The following PIEZO1 variants were observed in gnomAD, a reference collection of about 807,000 sequenced individuals.
The protein encoded by PIEZO1 is piezo type mechanosensitive ion channel component 1 (Er blood group).
PIEZO1 carries 296 observed loss-of-function variants against 297.2 expected under a neutral mutation model. The observed-to-expected ratio is 1.00, with a 90% CI of 0.91 to 1.10. The LOEUF (loss-of-function observed/expected upper bound fraction) is 1.10, where lower values mean the gene tolerates loss of function less well. PIEZO1 is among the 50% of genes least tolerant of loss of function. The probability of loss-of-function intolerance (pLI) is 0.00; values close to 1 mark genes in which losing one functional copy is unlikely to be tolerated. For missense variants in PIEZO1, 5,018 were observed against 3,455.5 expected, an observed-to-expected ratio of 1.45 and a Z score of -11.34; for synonymous variants, 2,427 against 1,507.5, an observed-to-expected ratio of 1.61 and a Z score of -14.13.
In PIEZO1 at chr16:88,726,709, G is replaced by A. The variant is rs147726156; in HGVS notation, c.3699+6C>T. The stretch of plus-strand genomic sequence containing the variant: ...GGCGGTGGGTGCGGGGGGGCCGGAG[G>A]CTCACCGACAGCATGTTCTTGGAGA... On this transcript the variant is annotated splice_donor_region_variant and intron_variant, in intron 25 of 50. Transcript: ENST00000301015. 1.0e-3 allele frequency: 1,624 copies of A among 1,549,330 alleles called. 1 individual carries two copies. Among genetic ancestry groups the A allele is most frequent in the Non-Finnish European group, 1.3e-3 (1,455 of 1,146,252 alleles).
chr16:88,750,426 G>A (rs186504945), intron 1 of PIEZO1, among the ~76,000 whole-genome samples: 146 of 152,368 alleles, frequency 9.6e-4, no homozygotes, highest in African/African-American at 2.3e-3. Context: ...GGGACACAGC[G>A]CGCCTTCAGC....
At chr16:88,774,097 G>T (rs1159476404) in intron 1 of PIEZO1, among the ~76,000 whole-genome samples, 10 of 152,334 alleles carry the variant, frequency 6.6e-5, no homozygotes, top group African/African-American at 2.2e-4. Context: ...GCAGGAACCG[G>T]TCACCAGGCA....
intron 35 of PIEZO1, 90 bp downstream of exon 35, chr16:88,722,493 G>C (rs1904287067): frequency 1.4e-6 from 2 of 1,434,284 alleles, no homozygotes; most frequent in Non-Finnish European, 1.9e-6. Context: ...GGTCCTTTGG[G>C]GTACAAGGGA....
rs1286090508 is a variant in PIEZO1 at position 88,723,317 on chromosome 16, C to G, written c.4347G>C (p.Gln1449His). The G allele has an allele frequency of 1.3e-6, 2 of 1,538,652 alleles. No individual in the cohort carries two copies. The highest frequency in any genetic ancestry group is 1.7e-6 in the Non-Finnish European group (2 of 1,146,726). Residue 1449 changes from glutamine (Q) to histidine (H), a missense_variant, in exon 32 of 51, where the codon CAG becomes CAC. Physicochemically the swap from Gln to His is conservative, Grantham distance 24 (BLOSUM62 0). Transcript: ENST00000301015. ...SAQSAFQLAY[Q>H]AWVTNAQAVL... ...CCGCCTGGGCGTTGGTCACCCATGC[C>G]TGGTACGCCAGCTGTCGGCCAGCCC... is the stretch of plus-strand genomic sequence containing the variant.
At position 88,784,837 on chromosome 16, in the gene PIEZO1, C is replaced by A. The variant is rs1908104511; in HGVS notation, c.64+64G>T. On this transcript the variant is annotated intron_variant, in intron 1 of 50. Transcript: ENST00000301015. ...GCCCCGGCCGGCGTCGTCCGGTGTCCAGGCCGTGGGGAGCCGAGACGCAGC... is the reference window on the plus strand; with the variant it reads ...GCCCCGGCCGGCGTCGTCCGGTGTCAAGGCCGTGGGGAGCCGAGACGCAGC... The A allele has an allele frequency of 1.6e-5, 19 of 1,214,758 alleles. No homozygotes were observed. In the South Asian group the frequency reaches 2.3e-4, roughly 15 times the overall value. The allele number at this position is 1,214,758 out of a possible 1,614,324, so 75.2% of individuals were successfully genotyped here.
rs1321010287 is a variant in PIEZO1, at chr16:88,733,639, A to C, written c.2436T>G (p.Leu812=). 3.9e-6 allele frequency: 6 copies of C among 1,549,678 alleles called. No individual in the cohort carries two copies. The highest frequency in any genetic ancestry group is 3.5e-6 in the Non-Finnish European group (4 of 1,146,538). Residue 812 remains leucine (L), a synonymous_variant, in exon 18 of 51, where the codon CTT becomes CTG. Coordinates refer to ENST00000301015, the MANE Select transcript of PIEZO1 (RefSeq NM_001142864.4). ...ACAGGGCCACCAGCTTGAAAACGTG[A>C]AGCTCCAGCAGCCGCCGCAGGAACA... ...VQVFLRRLLE[L]HVFKLVALYT... is the part of the protein sequence containing the mutation.
chr16:88,733,146 G>A (rs919653411), intron 19 of PIEZO1, 132 bp downstream of exon 19: 14 of 848,520 alleles, frequency 1.6e-5, no homozygotes, highest in Non-Finnish European at 2.3e-5. Context: ...AGCCCCCTTG[G>A]CGCCCCCAGG....
Position 88,727,551 on chromosome 16 carries a change from A to G in PIEZO1, c.3301+6T>C, listed in dbSNP as rs1232352086. The G allele has an allele frequency of 4.0e-6, 5 of 1,246,074 alleles. No homozygotes were observed. Among genetic ancestry groups the G allele is most frequent in the African/African-American group, 3.0e-5 (2 of 66,426 alleles). The allele number at this position is 1,246,074 out of a possible 1,614,324, so 77.2% of individuals were successfully genotyped here. On this transcript the variant is annotated splice_donor_region_variant and intron_variant, in intron 23 of 50. Transcript: ENST00000301015. ...TGCAGAGGCGGGGGTGGTGGGGGGC[A>G]CTCACTGATGAGGTTGGTGGAGTTG... is the stretch of plus-strand genomic sequence containing the variant.
chr16:88,747,738 C>T (rs1473114586), intron 2 of PIEZO1, among the ~76,000 whole-genome samples: 1 of 152,232 alleles, frequency 6.6e-6, no homozygotes, highest in Non-Finnish European at 1.5e-5. Flanking sequence ...GAAATGGGGG[C>T]TGCCCAACAG....
intron 2 of PIEZO1, among the ~76,000 whole-genome samples, chr16:88,746,526 G>A (rs1906066640): frequency 2.0e-5 from 3 of 152,082 alleles, no homozygotes; most frequent in African/African-American, 7.2e-5. Flanking sequence ...CCAAGGATCA[G>A]GCTGACGCCT....
In PIEZO1 at chr16:88,721,596, T is replaced by G. The variant is rs1344203222; in HGVS notation, c.5345A>C (p.Tyr1782Ser). Residue 1782 changes from tyrosine to serine, a missense_variant, in exon 38 of 51, where the codon TAC becomes TCC. By Grantham distance (144) the Tyr-to-Ser change is moderately radical (BLOSUM62 -2). Coordinates refer to ENST00000301015, the MANE Select transcript of PIEZO1 (RefSeq NM_001142864.4). ...GAGCTGCACCAGGTCGTACTTGATG[T>G]AGCCGTCAGTCTTCTCCAGGCCCAG... ...RILGLEKTDG[Y>S]IKYDLVQLMA... 1 of 1,550,246 alleles carries G rather than the reference T, an allele frequency of 6.5e-7. No homozygotes were observed. Among genetic ancestry groups the G allele is most frequent in the South Asian group, 1.2e-5 (1 of 84,060 alleles).
At chr16:88,775,064 G>A (rs558971324) in intron 1 of PIEZO1, among the ~76,000 whole-genome samples, 3 of 152,346 alleles carry the variant, frequency 2.0e-5, no homozygotes, top group South Asian at 4.1e-4. Context: ...AGACAGTGAA[G>A]ACGACAGAGT....
chr16:88,735,576 C>T (rs936769592), intron 12 of PIEZO1, among the ~76,000 whole-genome samples: 4 of 152,290 alleles, frequency 2.6e-5, no homozygotes, highest in African/African-American at 9.6e-5. Context: ...TGTTTGCCCA[C>T]ATGCGTGCTC....
In PIEZO1 at chr16:88,716,869, C is replaced by T. The variant is rs1184313582; in HGVS notation, c.6690G>A (p.Pro2230=). ...CCTGGGCCGTGAAGGGGATGATGGA[C>T]GGCTGCTGGGCGCTCATGGTGAACA... ...EPLFTMSAQQ[P]SIIPFTAQAY... is the part of the protein sequence containing the mutation. The change falls in exon 46 of 51, where the codon CCG becomes CCA. Residue 2230 remains proline, a synonymous_variant. Coordinates refer to ENST00000301015, the MANE Select transcript of PIEZO1 (RefSeq NM_001142864.4). The T allele has an allele frequency of 1.7e-5, 27 of 1,549,876 alleles. No individual in the cohort carries two copies. The highest frequency in any genetic ancestry group is 7.3e-5 in the East Asian group (3 of 40,934).
rs1905205867 is a variant in PIEZO1 at position 88,736,243 on chromosome 16, G to A, written c.1462C>T (p.Leu488=). ...CCLRYVWAMD[L]RPELPTTLGP... ...AGGGTGGTGGGCAGCTCAGGGCGCA[G>A]GTCCATGGCCCACACGTAGCGTAGG... The change falls in exon 12 of 51, where the codon CTG becomes TTG. Residue 488 remains leucine (L), a synonymous_variant. Coordinates refer to ENST00000301015, the MANE Select transcript of PIEZO1 (RefSeq NM_001142864.4). 1 of 1,550,136 alleles carries A rather than the reference G, an allele frequency of 6.5e-7. No individual in the cohort carries two copies. The highest frequency in any genetic ancestry group is 1.2e-5 in the South Asian group (1 of 84,058).
At position 88,735,211 on chromosome 16, in the gene PIEZO1, G is replaced by C. The variant is rs535325907; in HGVS notation, c.1593C>G (p.Arg531=). Residue 531 remains arginine (R), a synonymous_variant, in exon 13 of 51, where the codon CGC becomes CGG. Transcript: ENST00000301015. Reference sequence around the variant, plus strand: ...TCAGCAGCTTCTCTTTCACAAACTGGCGCAGCAGGAGCCAGAAGGTCAGGG... The same window carrying C: ...TCAGCAGCTTCTCTTTCACAAACTGCCGCAGCAGGAGCCAGAAGGTCAGGG... The part of the protein sequence containing the change: ...LYTLTFWLLL[R]QFVKEKLLKW... The C allele has an allele frequency of 6.4e-7, 1 of 1,550,410 alleles. No individual in the cohort carries two copies. Among genetic ancestry groups the C allele is most frequent in the South Asian group, 1.2e-5 (1 of 84,066 alleles).
At chr16:88,744,230 A>T (rs1243606422) in intron 2 of PIEZO1, 1 of 154,658 alleles carries the variant, frequency 6.5e-6, no homozygotes, top group East Asian at 1.9e-4. Context: ...CCTGCCTGGG[A>T]ACCTGGGCTG....
At chr16:88,748,980 G>A (rs969379976) in intron 2 of PIEZO1, among the ~76,000 whole-genome samples, 7 of 142,584 alleles carry the variant, frequency 4.9e-5, no homozygotes, top group East Asian at 4.4e-4. Context: ...GCTCACGTCT[G>A]TAATCCCAGC....
intron 1 of PIEZO1, among the ~76,000 whole-genome samples, chr16:88,783,094 C>CAA (rs1412273092): frequency 6.6e-6 from 1 of 152,210 alleles, no homozygotes; most frequent in African/African-American, 2.4e-5. Context: ...AGAAGACTGA[C>CAA]ACGGGGCCTG....
Sources: allele counts gnomAD v4.1 joint callset (sites outside exome capture counted in the v4.1 genomes callset), GRCh38; gene constraint gnomAD v4.1.1; transcripts MANE v1.5; gene names NCBI Gene and HGNC (gene_info 2026-07-23, HGNC 2026-07-21).